EVC2: variants seen among roughly 807,000 people sequenced by gnomAD.
The protein encoded by EVC2 is EvC ciliary complex subunit 2, also known as limbin.
A neutral mutation model predicts 149.3 loss-of-function variants in EVC2; 148 were observed. That is an observed-to-expected ratio of 0.99 (90% CI 0.87 to 1.14). The LOEUF is 1.14. EVC2 is among the 50% of genes most tolerant of loss of function. EVC2 has a pLI of 0.00. For synonymous variants in EVC2, 776 were observed against 649.9 expected (o/e 1.19, Z -2.95); for missense variants, 1,854 against 1,627.3 (o/e 1.14, Z -2.40).
chr4:5,565,881 A>G (rs1172843394), intron 20 of EVC2, among the ~76,000 whole-genome samples: 1 of 152,188 alleles, frequency 6.6e-6, no homozygotes, highest in Admixed American at 6.5e-5. Context: ...ATGGGATCAC[A>G]GACAGAAGAA....
intron 17 of EVC2, among the ~76,000 whole-genome samples, chr4:5,577,796 T>A (rs958319356): frequency 3.3e-5 from 5 of 152,190 alleles, no homozygotes; most frequent in African/African-American, 1.2e-4. Flanking sequence ...TGTGGAACTA[T>A]GACCATCCCT....
chr4:5,536,377 T>C, the EVC2 span, among the ~76,000 whole-genome samples: 1 of 152,122 alleles, frequency 6.6e-6, no homozygotes, highest in Non-Finnish European at 1.5e-5. Flanking sequence ...TTAGAAGCAA[T>C]AAGGGAAAAT....
the EVC2 span, among the ~76,000 whole-genome samples, chr4:5,532,810 G>A: frequency 6.6e-6 from 1 of 151,898 alleles, no homozygotes; most frequent in Non-Finnish European, 1.5e-5. Flanking sequence ...TGGGCTGCTT[G>A]TCTTGGGTGG....
chr4:5,695,317 C>T (rs2151737485), intron 2 of EVC2, among the ~76,000 whole-genome samples: 1 of 149,114 alleles, frequency 6.7e-6, no homozygotes, highest in East Asian at 2.0e-4. Flanking sequence ...CACTGCACTC[C>T]AGTCTGGGCG....
chr4:5,623,473 G>T (rs1377485054), intron 13 of EVC2, among the ~76,000 whole-genome samples: 1 of 152,002 alleles, frequency 6.6e-6, no homozygotes, highest in Non-Finnish European at 1.5e-5. Context: ...CCCAGTAGCT[G>T]GGATTACAGG....
At chr4:5,623,930 G>C (rs1285649501) in intron 13 of EVC2, among the ~76,000 whole-genome samples, 1 of 152,238 alleles carries the variant, frequency 6.6e-6, no homozygotes, top group African/African-American at 2.4e-5. Flanking sequence ...CTGACATAGA[G>C]TAGTTTACGC....
At chr4:5,572,869 C>T (rs1301960782) in intron 19 of EVC2, among the ~76,000 whole-genome samples, 1 of 152,154 alleles carries the variant, frequency 6.6e-6, no homozygotes, top group East Asian at 1.9e-4. Context: ...GGGTGGTCAT[C>T]TGCTTCAGAT....
intron 21 of EVC2, among the ~76,000 whole-genome samples, chr4:5,547,327 T>C (rs1042618971): frequency 7.2e-5 from 11 of 152,208 alleles, no homozygotes; most frequent in Non-Finnish European, 1.5e-4. Context: ...TGCAGGTGCC[T>C]CTTGGCACCT....
downstream of EVC2, among the ~76,000 whole-genome samples, chr4:5,542,392 C>A (rs993903908): frequency 1.3e-5 from 2 of 152,178 alleles, no homozygotes; most frequent in Non-Finnish European, 2.9e-5. Context: ...GAGTTTGAGG[C>A]TGCAGTGAGT....
Position 5,637,898 on chromosome 4 carries a change from A to G in EVC2, c.1470+2616T>C, listed in dbSNP as rs994689811. Among the ~76,000 whole-genome samples the G allele has an allele frequency of 2.0e-5, 3 of 150,804 alleles. No homozygotes were observed. Among genetic ancestry groups the G allele is most frequent in the African/African-American group, 7.3e-5 (3 of 40,942 alleles). On this transcript the variant is annotated intron_variant, in intron 10 of 21. Coordinates refer to ENST00000344408, the MANE Select transcript of EVC2 (RefSeq NM_147127.5). This position sits in a 1 kb window ranked among gnomAD's most constrained non-coding sequence, Gnocchi z 4.4. ...AAGGGGCCATATTTTAGAGTTTGTC[A>G]CCTGAGGTCTCTGTTATGTATTCTT...
chr4:5,596,981 C>A (rs1423811924), intron 16 of EVC2, among the ~76,000 whole-genome samples: 1 of 152,174 alleles, frequency 6.6e-6, no homozygotes, highest in African/African-American at 2.4e-5. Context: ...TGGATAAATT[C>A]CTCAACACAT....
chr4:5,660,625 T>C (rs1333648600), intron 9 of EVC2, among the ~76,000 whole-genome samples: 1 of 152,132 alleles, frequency 6.6e-6, no homozygotes, highest in Non-Finnish European at 1.5e-5. Context: ...CCTGACCACT[T>C]CTCTTTATGG....
At chr4:5,553,565 C>T (rs1397662814) in intron 21 of EVC2, among the ~76,000 whole-genome samples, 1 of 152,086 alleles carries the variant, frequency 6.6e-6, no homozygotes, top group South Asian at 2.1e-4. Context: ...TAGGCAGGAA[C>T]ATGAAGTTTT....
chr4:5,562,542 C>T lies in EVC2; in HGVS notation c.*306G>A. ...AGAATCTGGCTGTCACCACACAGACCATAGCTTCTGCAGCAGAGGATGGGG... is the reference window on the plus strand; with the variant it reads ...AGAATCTGGCTGTCACCACACAGACTATAGCTTCTGCAGCAGAGGATGGGG... On this transcript the variant is annotated 3_prime_UTR_variant, in exon 22 of 22. Transcript: ENST00000344408. This position sits in a 1 kb window ranked among gnomAD's most constrained non-coding sequence, Gnocchi z 4.3. 3.1e-6 allele frequency: 4 copies of T among 1,292,256 alleles called. No individual in the cohort carries two copies. Among genetic ancestry groups the T allele is most frequent in the Non-Finnish European group, 3.9e-6 (4 of 1,013,936 alleles). 80.0% of individuals were successfully genotyped at this position (1,292,256 alleles called of 1,614,324 possible).
intron 8 of EVC2, among the ~76,000 whole-genome samples, chr4:5,664,713 G>A (rs923812596): frequency 6.6e-6 from 1 of 152,272 alleles, no homozygotes; most frequent in African/African-American, 2.4e-5. Flanking sequence ...GCAGGACTAA[G>A]CCCCAGGGCA....
rs1314239464 is a variant in EVC2, at chr4:5,622,967, C to T, written c.2071G>A (p.Ala691Thr). The change falls in exon 14 of 22, where the codon GCG becomes ACG. Residue 691 changes from alanine to threonine, a missense_variant. By Grantham distance (58) the Ala-to-Thr change is moderately conservative. Coordinates refer to ENST00000344408, the MANE Select transcript of EVC2 (RefSeq NM_147127.5). The surrounding 1 kb of genome is among the most constrained non-coding windows in gnomAD (Gnocchi z 5.8). The part of the protein sequence containing the change: ...QKHREQRREQ[A>T]SVGEAFRTVE... ...GTTCGGAAGGCCTCGCCGACGGACG[C>T]CTGCTCCCTACGCTGCTCCCTGTGC... is the stretch of plus-strand genomic sequence containing the variant. The T allele has an allele frequency of 1.4e-5, 22 of 1,613,984 alleles. No homozygotes were observed. Among genetic ancestry groups the T allele is most frequent in the Non-Finnish European group, 1.8e-5 (21 of 1,180,010 alleles).
At chr4:5,655,198 G>C (rs559541857) in intron 9 of EVC2, among the ~76,000 whole-genome samples, 1 of 152,180 alleles carries the variant, frequency 6.6e-6, no homozygotes, top group South Asian at 2.1e-4. Flanking sequence ...CGTCATGTCA[G>C]GTGCTGCGCA....
In EVC2 at chr4:5,694,536, C is replaced by T. The variant is rs114046377; in HGVS notation, c.284-35G>A. The stretch of plus-strand genomic sequence containing the variant: ...AACAACACACCCGTTTTATATAATG[C>T]GGAAAGACAGTAAGACATAGAACTT... On this transcript the variant is annotated intron_variant, in intron 2 of 21. Coordinates refer to ENST00000344408, the MANE Select transcript of EVC2 (RefSeq NM_147127.5). 1.7e-3 allele frequency: 2,704 copies of T among 1,613,304 alleles called. 45 individuals carry two copies. In the African/African-American group the frequency reaches 0.032, roughly 19 times the overall value.
At chr4:5,676,971 A>C (rs1181035034) in intron 7 of EVC2, among the ~76,000 whole-genome samples, 1 of 152,098 alleles carries the variant, frequency 6.6e-6, no homozygotes, top group Non-Finnish European at 1.5e-5. Flanking sequence ...AGGTACACTT[A>C]TAGCACCTGT....
Sources: allele counts gnomAD v4.1 joint callset (sites outside exome capture counted in the v4.1 genomes callset), GRCh38; gene constraint gnomAD v4.1.1; non-coding constraint Gnocchi (gnomAD v3.1); transcripts MANE v1.5; gene names NCBI Gene and HGNC (gene_info 2026-07-23, HGNC 2026-07-21).